The following VPS13C variants were observed in gnomAD, a reference collection of about 807,000 sequenced individuals.
The protein encoded by VPS13C is intermembrane lipid transfer protein VPS13C.
In VPS13C, 358 loss-of-function variants were observed where a neutral mutation model predicts 456.8. The ratio of observed to expected loss-of-function variants is 0.78; its 90% CI spans 0.72 to 0.86. VPS13C has a LOEUF of 0.86. VPS13C is among the 40% of genes least tolerant of loss of function. The probability of loss-of-function intolerance (pLI) is 0.00; values close to 1 mark genes in which losing one functional copy is unlikely to be tolerated. For synonymous variants in VPS13C, 1,578 were observed against 1,486.7 expected, an observed-to-expected ratio of 1.06 and a Z score of -1.41; for missense variants, 4,818 against 4,385.4, an observed-to-expected ratio of 1.10 and a Z score of -2.79.
intron 6 of VPS13C, among the ~76,000 whole-genome samples, chr15:62,028,071 C>T (rs1461550248): frequency 1.3e-5 from 2 of 152,064 alleles, no homozygotes; most frequent in Non-Finnish European, 2.9e-5. Flanking sequence ...TGAAAGTTAT[C>T]TGTAGTTCAT....
chr15:61,951,866 C>T lies in VPS13C; in HGVS notation c.4414G>A (p.Ala1472Thr). 6.2e-7 allele frequency: 1 copy of T among 1,613,462 alleles called. No individual in the cohort carries two copies. The highest frequency in any genetic ancestry group is 1.1e-5 in the South Asian group (1 of 91,012). Reference sequence around the variant, plus strand: ...TGCATACTAATTTTTTTTAGATAAGCTTTAGCAGTCATGTCATAGGTTTTA... The same window carrying T: ...TGCATACTAATTTTTTTTAGATAAGTTTTAGCAGTCATGTCATAGGTTTTA... ...KVKTYDMTAK[A>T]YLKKISMQCF... The change falls in exon 39 of 85, where the codon GCT (alanine) becomes ACT (threonine). Residue 1472 changes from alanine (A) to threonine (T), a missense_variant. By Grantham distance (58) the Ala-to-Thr change is moderately conservative. This residue lies in a region of VPS13C where 4,552 missense variants were observed against 4,130.6 expected (regional missense o/e 1.10). Coordinates refer to ENST00000644861, the MANE Select transcript of VPS13C (RefSeq NM_020821.3).
rs374304135 is a variant in VPS13C at position 61,901,552 on chromosome 15, C to G, written c.9105+5712G>C. ...GCCATCAGAGAAATCCAAGACAAAA[C>G]CCCAATGAGATACCATCTCACACCA... On this transcript the variant is annotated intron_variant, in intron 66 of 84. Coordinates refer to ENST00000644861, the MANE Select transcript of VPS13C (RefSeq NM_020821.3). Among the ~76,000 whole-genome samples the G allele has an allele frequency of 3.5e-4, 54 of 152,322 alleles. 2 individuals are homozygous for G. The South Asian group carries it at 0.011, about 32-fold the overall frequency.
intron 40 of VPS13C, 132 bp from the exon 41 acceptor site, chr15:61,950,549 G>T: frequency 6.1e-6 from 4 of 651,470 alleles, no homozygotes; most frequent in South Asian, 2.5e-5. Context: ...GGCAAAGAAA[G>T]CCATTCAAAA....
chr15:62,005,271 A>G (rs1293990736), intron 15 of VPS13C, among the ~76,000 whole-genome samples: 2 of 149,698 alleles, frequency 1.3e-5, no homozygotes, highest in Non-Finnish European at 3.0e-5. Flanking sequence ...TTTACCATTA[A>G]GTAATGGCCT....
chr15:61,979,824 A>G (rs1314233827), intron 22 of VPS13C, among the ~76,000 whole-genome samples: 1 of 152,142 alleles, frequency 6.6e-6, no homozygotes, highest in African/African-American at 2.4e-5. Context: ...TAGAGCTTTC[A>G]ATGGAAATTT....
chr15:61,890,140 A>T, intron 67 of VPS13C, 25 bp downstream of exon 67: 1 of 1,608,598 alleles, frequency 6.2e-7, no homozygotes, highest in Non-Finnish European at 8.5e-7. Context: ...AAGGTTTAGG[A>T]TGTCTTATTT....
At chr15:61,917,157 ACACAGAGC>A (rs2043497985) in intron 60 of VPS13C, among the ~76,000 whole-genome samples, 176 bp downstream of exon 60, 1 of 152,210 alleles carries the variant, frequency 6.6e-6, no homozygotes, top group African/African-American at 2.4e-5. Context: ...CATGTAAAGC[ACACAGAGC>A]AGTTCCTGGC....
In VPS13C at chr15:61,961,606, T is replaced by C; in HGVS notation, c.3891A>G (p.Thr1297=). ...GAGCATACCTATAAAGTGTAAGCTT[T>C]GTTAGCTGCACATCCATTCTATCAA... is the stretch of plus-strand genomic sequence containing the variant. ...PVIDRMDVQL[T]KLTLYRTVIQ... is the part of the protein sequence containing the mutation. The change falls in exon 35 of 85, where the codon ACA becomes ACG. Residue 1297 remains threonine, a synonymous_variant. Transcript: ENST00000644861. 1 of 1,601,400 alleles carries C rather than the reference T, an allele frequency of 6.2e-7. No homozygotes were observed. Among genetic ancestry groups the C allele is most frequent in the Non-Finnish European group, 8.5e-7 (1 of 1,173,640 alleles).
At position 62,060,414 on chromosome 15, in the gene VPS13C, G is replaced by A; in HGVS notation, c.-40C>T. On this transcript the variant is annotated 5_prime_UTR_variant, in exon 1 of 85. Transcript: ENST00000644861. ...ACAAGGAGAGGGAGGAGCCGGAACC[G>A]CCCGGCGCAGCTGAGGGCTGCGACC... 1 of 1,078,616 alleles carries A rather than the reference G, an allele frequency of 9.3e-7. No homozygotes were observed. The highest frequency in any genetic ancestry group is 1.4e-6 in the Non-Finnish European group (1 of 726,116). 66.8% of individuals were successfully genotyped at this position (1,078,616 alleles called of 1,614,324 possible). A position where few individuals can be genotyped will look rare whatever the true frequency, so the allele number is the denominator to read the frequency against.
At chr15:61,861,375 CA>C (rs1381747826) in intron 82 of VPS13C, among the ~76,000 whole-genome samples, 1 of 152,140 alleles carries the variant, frequency 6.6e-6, no homozygotes, top group Non-Finnish European at 1.5e-5. Context: ...ACAGCTATGT[CA>C]TTCTTGTACA....
At chr15:61,986,568 G>A (rs1470166707) in intron 18 of VPS13C, among the ~76,000 whole-genome samples, 1 of 152,052 alleles carries the variant, frequency 6.6e-6, no homozygotes, top group Admixed American at 6.5e-5. Context: ...AAAAAATGAT[G>A]GGAAATAAAA....
intron 3 of VPS13C, 119 bp from the exon 4 acceptor site, chr15:62,035,171 G>A: frequency 4.2e-6 from 2 of 481,222 alleles, no homozygotes; most frequent in Non-Finnish European, 7.2e-6. Flanking sequence ...ACATCACTCA[G>A]AAAAAATGAA....
chr15:61,987,485 T>C (rs1048244537), intron 18 of VPS13C, among the ~76,000 whole-genome samples: 1 of 152,046 alleles, frequency 6.6e-6, no homozygotes, highest in Non-Finnish European at 1.5e-5. Context: ...AACCATCAGA[T>C]CTCATGAGAA....
Position 62,045,202 on chromosome 15 carries a change from T to C in VPS13C, c.101-947A>G, listed in dbSNP as rs150202326. Among the ~76,000 whole-genome samples, 31 of 152,264 alleles carry C rather than the reference T, an allele frequency of 2.0e-4. No homozygotes were observed. The East Asian group carries it at 6.0e-3, about 29-fold the overall frequency. ...TAGGTGCTGGAAAGAGAAAGATTACTAGAACAATATTCATTAAGGCACTCA... is the reference window on the plus strand; with the variant it reads ...TAGGTGCTGGAAAGAGAAAGATTACCAGAACAATATTCATTAAGGCACTCA... On this transcript the variant is annotated intron_variant, in intron 1 of 84. Coordinates refer to ENST00000644861, the MANE Select transcript of VPS13C (RefSeq NM_020821.3).
chr15:61,954,616 G>T (rs2044923074), intron 37 of VPS13C, 62 bp from the exon 38 acceptor site: 1 of 1,497,776 alleles, frequency 6.7e-7, no homozygotes, highest in Non-Finnish European at 8.9e-7. Context: ...AATATTTATT[G>T]TGGACTTATA....
At chr15:62,033,125 C>T (rs1676381947) in intron 5 of VPS13C, among the ~76,000 whole-genome samples, 2 of 151,518 alleles carry the variant, frequency 1.3e-5, no homozygotes, top group African/African-American at 4.8e-5. Flanking sequence ...CACAAAGAAA[C>T]TTACCATTTG....
At chr15:61,883,228 G>T (rs1287968434) in intron 68 of VPS13C, among the ~76,000 whole-genome samples, 2 of 144,564 alleles carry the variant, frequency 1.4e-5, no homozygotes, top group Non-Finnish European at 3.0e-5. Context: ...GTAGAGACAA[G>T]GTCTCACTAT....
In VPS13C at chr15:61,962,754, T is replaced by A. The variant is rs776169337; in HGVS notation, c.3430A>T (p.Lys1144Ter). Residue 1144 changes from lysine (K) to a stop codon, truncating the protein, a stop_gained, in exon 33 of 85, where the codon AAG becomes TAG. Coordinates refer to ENST00000644861, the MANE Select transcript of VPS13C (RefSeq NM_020821.3). LOFTEE classifies it high-confidence loss of function. ...ATCTGTTTACAATCACCTACTTTCT[T>A]ATGAACTGTCTTTGGATCAACATCT... ...VTDVDPKTVH[K>*]KAVSIMGNEV... 6.9e-6 allele frequency: 11 copies of A among 1,592,098 alleles called. No homozygotes were observed. Among genetic ancestry groups the A allele is most frequent in the South Asian group, 1.2e-5 (1 of 86,576 alleles).
Position 61,931,097 on chromosome 15 carries a change from T to A in VPS13C, c.6031A>T (p.Thr2011Ser), listed in dbSNP as rs150955966. ...DDLREGIERA[T>S]SRMIDRKNDQ... is the part of the protein sequence containing the mutation. ...AACTCAGAGCTGACAAACCTCGATG[T>A]TGCTCTCTCAATTCCTTCTCTGAGA... The change falls in exon 50 of 85, where the codon ACA becomes TCA. Residue 2011 changes from threonine to serine, a missense_variant. Around this residue, in one of 3 missense-constraint regions of VPS13C, gnomAD observed 4,552 missense variants for 4,130.6 expected, o/e 1.10. Coordinates refer to ENST00000644861, the MANE Select transcript of VPS13C (RefSeq NM_020821.3). 8.7e-6 allele frequency: 14 copies of A among 1,613,926 alleles called. No individual in the cohort carries two copies. The African/African-American group carries it at 1.9e-4, about 22-fold the overall frequency.
Sources: allele counts gnomAD v4.1 joint callset (sites outside exome capture counted in the v4.1 genomes callset), GRCh38; gene constraint gnomAD v4.1.1; regional missense constraint gnomAD v4.1.1; transcripts MANE v1.5; gene names NCBI Gene and HGNC (gene_info 2026-07-23, HGNC 2026-07-21).